ATP1B3: variants seen among roughly 807,000 people sequenced by gnomAD.
The protein encoded by ATP1B3 is sodium/potassium-transporting ATPase subunit beta-3.
ATP1B3 carries 10 observed loss-of-function variants against 30.2 expected under a neutral mutation model. That is an observed-to-expected ratio of 0.33 (90% confidence interval 0.20 to 0.56). The LOEUF is 0.56. Ranked by LOEUF, ATP1B3 falls within the 20% of genes least tolerant of loss-of-function variation. The pLI, the probability that ATP1B3 is intolerant of heterozygous loss-of-function variation, is 0.90. For missense variants in ATP1B3, 238 were observed against 336.7 expected (o/e 0.71, Z 2.29); for synonymous variants, 113 against 117.0 (o/e 0.97, Z 0.22).
intron 1 of ATP1B3, among the ~76,000 whole-genome samples, chr3:141,877,125 G>T (rs1437889339): frequency 6.6e-6 from 1 of 150,814 alleles, no homozygotes; most frequent in Non-Finnish European, 1.5e-5. Context: ...AGCGGGGCCC[G>T]CGGGCAGCCC....
intron 1 of ATP1B3, among the ~76,000 whole-genome samples, chr3:141,884,621 C>A (rs935955656): frequency 6.6e-6 from 1 of 152,162 alleles, no homozygotes; most frequent in African/African-American, 2.4e-5. Context: ...AATCAGCTGC[C>A]AGCAAATATA....
At chr3:141,916,806 G>A (rs1356115636) in intron 5 of ATP1B3, among the ~76,000 whole-genome samples, 1 of 152,068 alleles carries the variant, frequency 6.6e-6, no homozygotes, top group African/African-American at 2.4e-5. Flanking sequence ...TGCCTTGTTG[G>A]GTTCCGTTCC....
chr3:141,912,686 A>AT (rs1464111745), intron 3 of ATP1B3, among the ~76,000 whole-genome samples: 1 of 152,180 alleles, frequency 6.6e-6, no homozygotes, highest in Non-Finnish European at 1.5e-5. Context: ...TGTCCACTAG[A>AT]TTAAGTTAAT....
Position 141,903,688 on chromosome 3 carries a change from G to A in ATP1B3, c.178G>A (p.Val60Ile). ...LAALFSFTMW[V>I]MLQTLNDEVP... The stretch of plus-strand genomic sequence containing the variant: ...TGCACTCTTCTCATTCACGATGTGG[G>A]TTATGCTTCAGACTCTCAACGATGA... Residue 60 changes from valine (V) to isoleucine (I), a missense_variant, in exon 2 of 7, where the codon GTT becomes ATT. Physicochemically the swap from Val to Ile is conservative, Grantham distance 29. Transcript: ENST00000286371. 6.2e-7 allele frequency: 1 copy of A among 1,614,086 alleles called. No individual in the cohort carries two copies. Among genetic ancestry groups the A allele is most frequent in the Non-Finnish European group, 8.5e-7 (1 of 1,179,984 alleles).
intron 2 of ATP1B3, among the ~76,000 whole-genome samples, chr3:141,905,946 G>A (rs1404586326): frequency 2.0e-5 from 3 of 151,554 alleles, no homozygotes; most frequent in Non-Finnish European, 4.4e-5. Context: ...GCATACACAT[G>A]TACATATAAT....
At chr3:141,913,553 T>G in intron 3 of ATP1B3, 99 bp from the exon 4 acceptor site, 1 of 1,066,674 alleles carries the variant, frequency 9.4e-7, no homozygotes, top group Non-Finnish European at 1.3e-6. Flanking sequence ...ACATTGCTGT[T>G]TTTGTCTTTG....
At chr3:141,894,630 C>T (rs952451389) in intron 1 of ATP1B3, among the ~76,000 whole-genome samples, 1 of 152,118 alleles carries the variant, frequency 6.6e-6, no homozygotes, top group Non-Finnish European at 1.5e-5. Flanking sequence ...TAGCCTAGAC[C>T]TACACAGAGT....
chr3:141,882,236 A>G (rs759385535), intron 1 of ATP1B3, among the ~76,000 whole-genome samples: 14 of 152,350 alleles, frequency 9.2e-5, no homozygotes, highest in Middle Eastern at 3.4e-3. Flanking sequence ...ACCTTGAAAG[A>G]TAAATTTAAT....
chr3:141,907,395 A>T, intron 3 of ATP1B3, 121 bp downstream of exon 3: 1 of 641,828 alleles, frequency 1.6e-6, no homozygotes. Context: ...CGAAGCGGGC[A>T]GATCACCTGA....
chr3:141,902,076 T>C, intron 1 of ATP1B3: 1 of 1,222,014 alleles, frequency 8.2e-7, no homozygotes, highest in African/African-American at 1.6e-5. Context: ...GTGTGTTTCA[T>C]TTCCCTCTAT....
At chr3:141,878,660 T>C (rs1933654434) in intron 1 of ATP1B3, among the ~76,000 whole-genome samples, 1 of 152,200 alleles carries the variant, frequency 6.6e-6, no homozygotes, top group Non-Finnish European at 1.5e-5. Flanking sequence ...CACAAATAAA[T>C]AGAGAGCAAT....
intron 1 of ATP1B3, among the ~76,000 whole-genome samples, chr3:141,889,765 A>AAG (rs1933905069): frequency 7.9e-6 from 1 of 126,060 alleles, no homozygotes; most frequent in Non-Finnish European, 1.6e-5. Flanking sequence ...ATACACACAC[A>AAG]CACACACACA....
rs762700693 is a variant in ATP1B3, at chr3:141,902,149, G to A, written c.110-1471G>A. ...TTTCTGCAACAGGATCGCAGTATGT[G>A]GTAGGGAAGTGATGCTGTCTGAAGG... On this transcript the variant is annotated intron_variant, in intron 1 of 6. Coordinates refer to ENST00000286371, the MANE Select transcript of ATP1B3 (RefSeq NM_001679.4). The A allele has an allele frequency of 1.9e-3, 2,436 of 1,289,608 alleles. 5 individuals are homozygous for A. The highest frequency in any genetic ancestry group is 2.3e-3 in the Non-Finnish European group (2,281 of 988,830). The allele number at this position is 1,289,608 out of a possible 1,614,324, so 79.9% of individuals were successfully genotyped here. A position where few individuals can be genotyped will look rare whatever the true frequency, so the allele number is the denominator to read the frequency against.
At chr3:141,891,558 T>A (rs1205549114) in intron 1 of ATP1B3, among the ~76,000 whole-genome samples, 3 of 152,192 alleles carry the variant, frequency 2.0e-5, no homozygotes, top group Non-Finnish European at 4.4e-5. Context: ...TCAAGTTGAT[T>A]TATTATTTAA....
intron 2 of ATP1B3, among the ~76,000 whole-genome samples, chr3:141,905,619 T>TA: frequency 6.6e-6 from 1 of 152,330 alleles, no homozygotes; most frequent in East Asian, 1.9e-4. Flanking sequence ...ATAACTCTTT[T>TA]AAAACTCTTA....
At position 141,876,838 on chromosome 3, in the gene ATP1B3, C is replaced by T. The variant is rs755664707; in HGVS notation, c.37C>T (p.Leu13=). 29 of 1,587,594 alleles carry T rather than the reference C, an allele frequency of 1.8e-5. 1 individual carries two copies. In the South Asian group the frequency reaches 2.9e-4, roughly 16 times the overall value. The change falls in exon 1 of 7, where the codon CTG becomes TTG. Residue 13 remains leucine, a synonymous_variant. Transcript: ENST00000286371. Reference sequence around the variant, plus strand: ...CGAGAAGAAGTCCCTCAACCAGAGCCTGGCCGAGTGGAAGCTCTTCATCTA... The same window carrying T: ...CGAGAAGAAGTCCCTCAACCAGAGCTTGGCCGAGTGGAAGCTCTTCATCTA... ...KNEKKSLNQS[L]AEWKLFIYNP...
chr3:141,890,681 G>GCCCAC (rs1933934275), intron 1 of ATP1B3, among the ~76,000 whole-genome samples: 1 of 146,916 alleles, frequency 6.8e-6, no homozygotes, highest in Non-Finnish European at 1.5e-5. Flanking sequence ...CAAGTGATCT[G>GCCCAC]CCCACCTCTG....
chr3:141,911,760 GC>G (rs1934365290), intron 3 of ATP1B3, among the ~76,000 whole-genome samples: 1 of 152,170 alleles, frequency 6.6e-6, no homozygotes, highest in Admixed American at 6.5e-5. Flanking sequence ...CTCCCAAAGT[GC>G]TGGGATTTCA....
Position 141,925,686 on chromosome 3 carries a change from C to T in ATP1B3, c.825C>T (p.Ile275=). The change falls in exon 7 of 7, where the codon ATC becomes ATT. Residue 275 remains isoleucine, a synonymous_variant. Coordinates refer to ENST00000286371, the MANE Select transcript of ATP1B3 (RefSeq NM_001679.4). ...TTTTGGGACGAGTTATGTTCAAAAT[C>T]ACAGCACGTGCATAGTATGAGTAGG... ...DKFLGRVMFK[I]TARA 1.2e-6 allele frequency: 2 copies of T among 1,611,488 alleles called. No individual in the cohort carries two copies. Among genetic ancestry groups the T allele is most frequent in the African/African-American group, 1.3e-5 (1 of 74,976 alleles).
Sources: gnomAD v4.1 joint callset for allele counts (sites outside exome capture counted in the v4.1 genomes callset) on GRCh38, gnomAD v4.1.1 for gene constraint, MANE v1.5 for transcripts, NCBI Gene and HGNC (gene_info 2026-07-23, HGNC 2026-07-21) for gene names.